SVOP: variants seen among roughly 807,000 people sequenced by gnomAD.
SVOP encodes the protein SV2 related protein.
In SVOP, 17 loss-of-function variants were observed where a neutral mutation model predicts 69.1. That is an observed-to-expected ratio of 0.25 (90% CI 0.17 to 0.37). The LOEUF (loss-of-function observed/expected upper bound fraction) is 0.37. Among genes scored for constraint, SVOP ranks in the 10% least tolerant of loss-of-function variants. SVOP has a pLI of 1.00. For synonymous variants in SVOP, 238 were observed against 238.6 expected, an observed-to-expected ratio of 1.00 and a Z score of 0.02; for missense variants, 435 against 597.5, an observed-to-expected ratio of 0.73 and a Z score of 2.84.
intron 1 of SVOP, among the ~76,000 whole-genome samples, chr12:109,020,231 A>G (rs1805089903): frequency 6.6e-6 from 1 of 152,044 alleles, no homozygotes; most frequent in South Asian, 2.1e-4. Flanking sequence ...AGTGAGTCTC[A>G]CTCTAGCTAG....
intron 1 of SVOP, among the ~76,000 whole-genome samples, chr12:108,994,206 A>G (rs894192664): frequency 1.3e-5 from 2 of 152,196 alleles, no homozygotes; most frequent in Non-Finnish European, 2.9e-5. Flanking sequence ...ATCTTGGCTG[A>G]TACGGGGCAA....
At chr12:108,988,753 T>TTTC (rs368069594) in intron 1 of SVOP, among the ~76,000 whole-genome samples, 1 of 142,938 alleles carries the variant, frequency 7.0e-6, no homozygotes, top group Non-Finnish European at 1.5e-5. Context: ...TTTCTTCCTT[T>TTTC]CTTACTTCTT....
At chr12:108,953,969 G>A (rs1324150079) in intron 6 of SVOP, among the ~76,000 whole-genome samples, 4 of 151,912 alleles carry the variant, frequency 2.6e-5, no homozygotes, top group East Asian at 3.9e-4. Flanking sequence ...AAAATTAGCC[G>A]GGTGTGGTGG....
rs775935769 is a variant in SVOP, at chr12:108,991,789, A to AAC, written c.36-8029_36-8028insGT. Among the ~76,000 whole-genome samples, 306 of 151,028 alleles carry AAC rather than the reference A, an allele frequency of 2.0e-3. 2 individuals carry two copies. Among genetic ancestry groups the AAC allele is most frequent in the Admixed American group, 3.5e-3 (53 of 15,178 alleles). Reference sequence around the variant, plus strand: ...CCCATCTCTACAAAAAAAAACAAAAAAAAAAGATTAGCCAGGCATGGTAGC... The same window carrying AAC: ...CCCATCTCTACAAAAAAAAACAAAAAACAAAAAGATTAGCCAGGCATGGTAGC... On this transcript the variant is annotated intron_variant, in intron 1 of 15. Coordinates refer to ENST00000610966, the MANE Select transcript of SVOP (RefSeq NM_018711.5).
At chr12:108,926,690 C>T (rs2039782755) in intron 11 of SVOP, 1 of 152,156 alleles carries the variant, frequency 6.6e-6, no homozygotes, top group African/African-American at 2.4e-5. Context: ...CAAATAGTGC[C>T]TGGTGGTGAT....
intron 6 of SVOP, among the ~76,000 whole-genome samples, chr12:108,952,900 T>C (rs140203319): frequency 2.6e-5 from 4 of 152,064 alleles, no homozygotes; most frequent in African/African-American, 7.2e-5. Context: ...GCAAGTCCCT[T>C]GTGAGTTCTA....
At chr12:108,984,540 A>G (rs2040157423) in intron 1 of SVOP, among the ~76,000 whole-genome samples, 1 of 151,412 alleles carries the variant, frequency 6.6e-6, no homozygotes, top group African/African-American at 2.4e-5. Flanking sequence ...GTCTTTTGCC[A>G]GTTATCCTTG....
At chr12:108,961,862 T>G (rs1018467363) in intron 5 of SVOP, among the ~76,000 whole-genome samples, 1 of 152,224 alleles carries the variant, frequency 6.6e-6, no homozygotes, top group African/African-American at 2.4e-5. Flanking sequence ...ACTTTAGAAC[T>G]GATTTCTTTC....
At chr12:108,947,042 G>A (rs1223310819) in intron 6 of SVOP, among the ~76,000 whole-genome samples, 1 of 152,048 alleles carries the variant, frequency 6.6e-6, no homozygotes, top group East Asian at 1.9e-4. Flanking sequence ...TTATTTTGAT[G>A]CTCAGACTGT....
chr12:108,938,732 T>G, intron 9 of SVOP, 95 bp downstream of exon 9: 1 of 1,572,898 alleles, frequency 6.4e-7, no homozygotes, highest in Non-Finnish European at 8.7e-7. Flanking sequence ...CATACCCACA[T>G]GTGTCCTCGC....
intron 6 of SVOP, among the ~76,000 whole-genome samples, chr12:108,951,579 C>T (rs180816708): frequency 6.6e-4 from 101 of 152,312 alleles, no homozygotes; most frequent in African/African-American, 2.3e-3. Context: ...TGGGATTCTA[C>T]ATGTGATTCC....
intron 9 of SVOP, 22 bp from the exon 10 acceptor site, chr12:108,937,359 G>A (rs370113466): frequency 6.2e-6 from 10 of 1,611,862 alleles, no homozygotes; most frequent in Non-Finnish European, 7.6e-6. Flanking sequence ...CAAGGACATA[G>A]TGTTTATTCT....
Position 108,990,068 on chromosome 12 carries a change from GTGGTCTT to G in SVOP, c.36-6314_36-6308del, listed in dbSNP as rs774780601. The stretch of plus-strand genomic sequence containing the variant: ...TTGAAGGAGCCGAGGCTTCAGTTTG[GTGGTCTT>G]TGGTAATAGCGCCTTCAGTCCTAAT... On this transcript the variant is annotated intron_variant, in intron 1 of 15. Coordinates refer to ENST00000610966, the MANE Select transcript of SVOP (RefSeq NM_018711.5). 1.9e-3 allele frequency among the ~76,000 whole-genome samples: 296 copies of G among 152,308 alleles called. 1 individual carries two copies. Among genetic ancestry groups the G allele is most frequent in the Middle Eastern group, 6.8e-3 (2 of 294 alleles).
At chr12:108,983,831 G>A (rs2137438726) in intron 1 of SVOP, 70 bp from the exon 2 acceptor site, 1 of 398,740 alleles carries the variant, frequency 2.5e-6, no homozygotes, top group East Asian at 3.6e-5. Flanking sequence ...CACAGCTCTA[G>A]TGACCAGGAC....
intron 7 of SVOP, among the ~76,000 whole-genome samples, chr12:108,944,147 C>G (rs146182242): frequency 1.3e-5 from 2 of 151,416 alleles, no homozygotes; most frequent in Non-Finnish European, 2.9e-5. Context: ...TCCCAAAGTA[C>G]GGGATTATGG....
At chr12:108,997,355 A>C (rs1566065763) in intron 1 of SVOP, among the ~76,000 whole-genome samples, 2 of 151,552 alleles carry the variant, frequency 1.3e-5, no homozygotes, top group Non-Finnish European at 1.5e-5. Flanking sequence ...GTCTGAGATC[A>C]AACTGCAAGG....
rs2135639481 is a variant in SVOP at position 109,020,994 on chromosome 12, G to C, written c.-126C>G. On this transcript the variant is annotated 5_prime_UTR_variant, in exon 1 of 16. Coordinates refer to ENST00000610966, the MANE Select transcript of SVOP (RefSeq NM_018711.5). ...GCGCCGCTTCCTCCCTGGAGCAGCA[G>C]CTGTTCGGGGAGGGAGCCGCTGGGG... 3.3e-6 allele frequency: 2 copies of C among 611,100 alleles called. No homozygotes were observed. The highest frequency in any genetic ancestry group is 6.0e-6 in the Non-Finnish European group (2 of 333,286). The allele number at this position is 611,100 out of a possible 1,614,324, so 37.9% of individuals were successfully genotyped here.
chr12:108,978,565 C>T lies in SVOP; in HGVS notation c.282+13G>A, dbSNP rs2040119272. 1.4e-6 allele frequency: 1 copy of T among 703,136 alleles called. No homozygotes were observed. 43.6% of individuals were successfully genotyped at this position (703,136 alleles called of 1,614,324 possible). ...TCTTGGAGGCTGAGCCACTGCCCCC[C>T]AGAAATACTTGCCCAAGCCAAGCCA... On this transcript the variant is annotated intron_variant, in intron 3 of 15. Coordinates refer to ENST00000610966, the MANE Select transcript of SVOP (RefSeq NM_018711.5).
intron 15 of SVOP, among the ~76,000 whole-genome samples, chr12:108,914,873 TA>T (rs576696212): frequency 1.6e-3 from 234 of 144,350 alleles, no homozygotes; most frequent in East Asian, 4.5e-3. Flanking sequence ...TTCCTTTTGT[TA>T]AAAAAAAAAA....
Sources: gnomAD v4.1 joint callset for allele counts (sites outside exome capture counted in the v4.1 genomes callset) on GRCh38, gnomAD v4.1.1 for gene constraint, MANE v1.5 for transcripts, NCBI Gene and HGNC (gene_info 2026-07-23, HGNC 2026-07-21) for gene names.